The following PRKACA variants were observed in gnomAD, a reference collection of about 807,000 sequenced individuals.
The protein encoded by PRKACA is cAMP-dependent protein kinase catalytic subunit alpha.
Under a neutral mutation model 45.8 loss-of-function variants are expected in PRKACA, and 9 were observed. The ratio of observed to expected loss-of-function variants is 0.20; its 90% CI spans 0.12 to 0.34. The LOEUF (loss-of-function observed/expected upper bound fraction) is 0.34. Ranked by LOEUF, PRKACA falls within the 10% of genes least tolerant of loss-of-function variation. The pLI, the probability that PRKACA is intolerant of heterozygous loss-of-function variation, is 1.00. For synonymous variants in PRKACA, 160 were observed against 178.6 expected (o/e 0.90, Z 0.83); for missense variants, 238 against 458.6 (o/e 0.52, Z 4.39).
At chr19:14,104,261 C>T (rs193259658) in intron 3 of PRKACA, among the ~76,000 whole-genome samples, 295 of 139,042 alleles carry the variant, frequency 2.1e-3, no homozygotes, top group African/African-American at 7.8e-3. Context: ...GGCATGAACC[C>T]GGGAGGTGGA....
At chr19:14,107,118 G>A (rs970694588) in intron 2 of PRKACA, among the ~76,000 whole-genome samples, 8 of 151,388 alleles carry the variant, frequency 5.3e-5, no homozygotes, top group Admixed American at 5.3e-4. Flanking sequence ...GCTGGCAGCT[G>A]TGCTGGGGGC....
At chr19:14,112,395 G>A (rs1173197904) in intron 1 of PRKACA, 3 of 152,396 alleles carry the variant, frequency 2.0e-5, no homozygotes, top group South Asian at 2.1e-4. Flanking sequence ...ACAGCCAGGT[G>A]GGCCCAGAGG....
Position 14,092,226 on chromosome 19 carries a change from TC to T in PRKACA, c.*885del. 5.9e-6 allele frequency: 1 copy of T among 168,598 alleles called. No homozygotes were observed. Among genetic ancestry groups the T allele is most frequent in the Non-Finnish European group, 1.3e-5 (1 of 78,904 alleles). 10.4% of individuals were successfully genotyped at this position (168,598 alleles called of 1,614,324 possible). A position where few individuals can be genotyped will look rare whatever the true frequency, so the allele number is the denominator to read the frequency against. On this transcript the variant is annotated 3_prime_UTR_variant, in exon 10 of 10. Transcript: ENST00000308677. ...GGGAGGAAAGACTTGGGCTTGGGGC[TC>T]CCCCTCTGTCTTTTTGGGGGATGAC... is the stretch of plus-strand genomic sequence containing the variant.
At chr19:14,101,109 G>C in intron 4 of PRKACA, 2 of 565,876 alleles carry the variant, frequency 3.5e-6, no homozygotes, top group Non-Finnish European at 6.4e-6. Context: ...GGTATGTCAG[G>C]ACCTGGTTAG....
chr19:14,108,131 C>T (rs1236214352), intron 1 of PRKACA: 2 of 985,524 alleles, frequency 2.0e-6, no homozygotes, highest in Non-Finnish European at 2.4e-6. Flanking sequence ...CAGTCATTCT[C>T]GTCTCTGCTG....
At chr19:14,113,768 C>A (rs1001059075) in intron 1 of PRKACA, among the ~76,000 whole-genome samples, 1 of 150,682 alleles carries the variant, frequency 6.6e-6, no homozygotes, top group Non-Finnish European at 1.5e-5. Context: ...CTAAATGACA[C>A]AACTCTGAGC....
intron 1 of PRKACA, chr19:14,108,182 G>A: frequency 1.0e-6 from 1 of 983,912 alleles, no homozygotes; most frequent in Non-Finnish European, 1.2e-6. Context: ...AGGACTTGGG[G>A]TCAAGATCCA....
At chr19:14,114,122 A>C in intron 1 of PRKACA, 1 of 1,609,974 alleles carries the variant, frequency 6.2e-7, no homozygotes, top group Non-Finnish European at 8.5e-7. Flanking sequence ...TAGTAACAGG[A>C]CTCAGCCTCA....
intron 1 of PRKACA, among the ~76,000 whole-genome samples, chr19:14,109,058 G>A (rs1977695256): frequency 6.6e-6 from 1 of 151,236 alleles, no homozygotes; most frequent in Admixed American, 6.6e-5. Context: ...TATAAAATAT[G>A]GGGAGAGAGG....
chr19:14,098,798 C>T (rs1399861617), intron 5 of PRKACA, among the ~76,000 whole-genome samples: 5 of 146,726 alleles, frequency 3.4e-5, no homozygotes, highest in Non-Finnish European at 7.4e-5. Flanking sequence ...CCGGCCTCCA[C>T]CTCTGTATGT....
intron 8 of PRKACA, among the ~76,000 whole-genome samples, chr19:14,096,035 T>G (rs796557739): frequency 8.5e-5 from 12 of 141,484 alleles, no homozygotes; most frequent in South Asian, 2.3e-4. Context: ...ATTTTTAGTT[T>G]TTTTTTTTTT....
At chr19:14,115,372 G>C (rs1210887136) in intron 1 of PRKACA, among the ~76,000 whole-genome samples, 1 of 152,108 alleles carries the variant, frequency 6.6e-6, no homozygotes, top group Non-Finnish European at 1.5e-5. Flanking sequence ...AAAAATCTGG[G>C]AGGCTGCTGA....
intron 8 of PRKACA, among the ~76,000 whole-genome samples, chr19:14,095,811 T>C (rs1977230300): frequency 6.6e-6 from 1 of 151,078 alleles, no homozygotes; most frequent in Admixed American, 6.6e-5. Context: ...CCACCGCGCC[T>C]GGCCTTCATC....
In PRKACA at chr19:14,117,607, CCGGCGGCCCCGGAGCGCGCTGGG is replaced by C. The variant is rs1021165955; in HGVS notation, c.-83_-61del. On this transcript the variant is annotated 5_prime_UTR_variant, in exon 1 of 10. Transcript: ENST00000308677. The stretch of plus-strand genomic sequence containing the variant: ...GCGGCGCGGCGGGTGCTGGCTGCGG[CCGGCGGCCCCGGAGCGCGCTGGG>C]CGGCGGCGGCGGCGGCCCTCGGGCT... 7 of 950,494 alleles carry C rather than the reference CCGGCGGCCCCGGAGCGCGCTGGG, an allele frequency of 7.4e-6. No individual in the cohort carries two copies. In the African/African-American group the frequency reaches 1.2e-4, roughly 17 times the overall value. 58.9% of individuals were successfully genotyped at this position (950,494 alleles called of 1,614,324 possible).
intron 1 of PRKACA, among the ~76,000 whole-genome samples, chr19:14,113,217 A>AG (rs1039074689): frequency 6.7e-6 from 1 of 149,444 alleles, no homozygotes; most frequent in Non-Finnish European, 1.5e-5. Context: ...GGGGTGGGGG[A>AG]GGGGGAGGCA....
chr19:14,101,398 G>C (rs762396937), intron 4 of PRKACA: 1 of 161,834 alleles, frequency 6.2e-6, no homozygotes, highest in African/African-American at 2.4e-5. Context: ...GTGAGACCCC[G>C]TCTCTGCAAA....
At chr19:14,102,999 G>A (rs537063298) in intron 3 of PRKACA, 85 bp from the exon 4 acceptor site, 77 of 1,118,736 alleles carry the variant, frequency 6.9e-5, no homozygotes, top group South Asian at 4.0e-4. Flanking sequence ...TAGGGATGCC[G>A]GAGCCAGGCC....
chr19:14,100,942 CCT>C (rs1977424966), intron 4 of PRKACA, 34 bp from the exon 5 acceptor site: 1 of 1,598,334 alleles, frequency 6.3e-7, no homozygotes, highest in Non-Finnish European at 8.6e-7. Context: ...AGGGCCCACC[CCT>C]GAGACTTGGA....
At chr19:14,104,316 G>A (rs1194987595) in intron 3 of PRKACA, among the ~76,000 whole-genome samples, 1 of 147,452 alleles carries the variant, frequency 6.8e-6, no homozygotes, top group East Asian at 2.0e-4. Context: ...CAGCCTGGGT[G>A]GCAGAGCGAG....
Sources: gnomAD v4.1 joint callset for allele counts (sites outside exome capture counted in the v4.1 genomes callset) on GRCh38, gnomAD v4.1.1 for gene constraint, MANE v1.5 for transcripts, NCBI Gene and HGNC (gene_info 2026-07-23, HGNC 2026-07-21) for gene names.